The following ZNF790 variants were observed in gnomAD, a reference collection of about 807,000 sequenced individuals.
The protein encoded by ZNF790 is zinc finger protein 790.
ZNF790 carries 8 observed loss-of-function variants against 12.1 expected under a neutral mutation model. That is an observed-to-expected ratio of 0.66 (90% CI 0.39 to 1.19). The LOEUF is 1.19. Among genes scored for constraint, ZNF790 ranks in the 50% most tolerant of loss-of-function variants. The pLI is 0.01. For synonymous variants in ZNF790, 252 were observed against 244.3 expected (o/e 1.03, Z -0.29); for missense variants, 707 against 752.2 (o/e 0.94, Z 0.70).
At chr19:36,844,588 C>A (rs1363957484) in intron 1 of ZNF790, among the ~76,000 whole-genome samples, 2 of 151,786 alleles carry the variant, frequency 1.3e-5, no homozygotes, top group African/African-American at 4.8e-5. Context: ...TTCCCAAAAC[C>A]GATTAAACAC....
At chr19:36,843,009 A>C (rs1052491201), upstream of ZNF790, among the ~76,000 whole-genome samples, 4 of 151,958 alleles carry the variant, frequency 2.6e-5, no homozygotes, top group African/African-American at 9.7e-5. Flanking sequence ...TCTCAAAAAA[A>C]AAAAAAAAAA....
At position 36,825,616 on chromosome 19, in the gene ZNF790, C is replaced by T. The variant is rs747213342; in HGVS notation, c.4G>A (p.Ala2Thr). The T allele has an allele frequency of 6.2e-7, 1 of 1,613,994 alleles. No homozygotes were observed. The highest frequency in any genetic ancestry group is 8.5e-7 in the Non-Finnish European group (1 of 1,179,950). The change falls in exon 2 of 5, where the codon GCC (alanine) becomes ACC (threonine). Residue 2 changes from alanine (A) to threonine (T), a missense_variant. Transcript: ENST00000356725. Reference sequence around the variant, plus strand: ...GAGAGGCAATTCCAACTCACATGGGCCATGACTTAACATTCCAAGTCCACC... The same window carrying T: ...GAGAGGCAATTCCAACTCACATGGGTCATGACTTAACATTCCAAGTCCACC... M[A>T]HLMMFRDVAV...
Position 36,819,533 on chromosome 19 carries a change from C to T in ZNF790, c.811G>A (p.Val271Ile). The change falls in exon 5 of 5, where the codon GTC becomes ATC. Residue 271 changes from valine to isoleucine, a missense_variant. Val to Ile is a conservative substitution (Grantham distance 29). Transcript: ENST00000356725. ...KAFRFHSQLS[V>I]HKRIHTGEKS... is the part of the protein sequence containing the mutation. Reference sequence around the variant, plus strand: ...TCACCAGTATGAATTCGCTTATGGACACTAAGTTGTGAATGAAATCTAAAG... The same window carrying T: ...TCACCAGTATGAATTCGCTTATGGATACTAAGTTGTGAATGAAATCTAAAG... The T allele has an allele frequency of 6.2e-7, 1 of 1,612,982 alleles. No homozygotes were observed. Among genetic ancestry groups the T allele is most frequent in the East Asian group, 2.2e-5 (1 of 44,846 alleles).
intron 1 of ZNF790, among the ~76,000 whole-genome samples, chr19:36,826,396 G>A (rs573655329): frequency 6.6e-6 from 1 of 151,856 alleles, no homozygotes; most frequent in East Asian, 1.9e-4. Flanking sequence ...CATCTTGGCC[G>A]ACATGGTGAA....
At chr19:36,832,052 A>C (rs2071954595) in intron 1 of ZNF790, among the ~76,000 whole-genome samples, 1 of 152,204 alleles carries the variant, frequency 6.6e-6, no homozygotes, top group Non-Finnish European at 1.5e-5. Flanking sequence ...AGGGAGTCAA[A>C]ACATTTTTAT....
At chr19:36,849,446 T>C (rs1297791190) in intron 1 of ZNF790, among the ~76,000 whole-genome samples, 1 of 152,078 alleles carries the variant, frequency 6.6e-6, no homozygotes, top group Non-Finnish European at 1.5e-5. Context: ...TTAACAAGAG[T>C]ATAGTGAAAA....
chr19:36,818,351 TG>T lies in ZNF790; in HGVS notation c.*81del. On this transcript the variant is annotated 3_prime_UTR_variant, in exon 5 of 5. Transcript: ENST00000356725. ...TGCCTTCCAATATTACTTACATTTG[TG>T]GTGTTCCTCAAGAGAAAAAAATAAA... The T allele has an allele frequency of 7.4e-7, 1 of 1,344,112 alleles. No homozygotes were observed. Among genetic ancestry groups the T allele is most frequent in the Non-Finnish European group, 1.0e-6 (1 of 1,004,410 alleles). The allele number at this position is 1,344,112 out of a possible 1,614,324, so 83.3% of individuals were successfully genotyped here.
chr19:36,821,062 C>G (rs1216193555), intron 4 of ZNF790, among the ~76,000 whole-genome samples: 1 of 138,070 alleles, frequency 7.2e-6, no homozygotes, highest in Non-Finnish European at 1.5e-5. Context: ...CCCCACTGAC[C>G]CTGTCTTAAC....
At chr19:36,839,482 C>A (rs1307010286), upstream of ZNF790, among the ~76,000 whole-genome samples, 1 of 152,070 alleles carries the variant, frequency 6.6e-6, no homozygotes, top group Non-Finnish European at 1.5e-5. Context: ...CTCTCTGCAA[C>A]CTCTGCCTCC....
chr19:36,830,274 TATCTC>T (rs1349263198), intron 1 of ZNF790, among the ~76,000 whole-genome samples: 8 of 152,136 alleles, frequency 5.3e-5, no homozygotes, highest in South Asian at 4.1e-4. Context: ...TCAAATGCCT[TATCTC>T]TATCTATTGA....
At chr19:36,825,971 A>G (rs1236308260) in intron 1 of ZNF790, among the ~76,000 whole-genome samples, 3 of 152,182 alleles carry the variant, frequency 2.0e-5, no homozygotes, top group African/African-American at 4.8e-5. Flanking sequence ...CCGCCTATGA[A>G]TGTCAGTTAA....
chr19:36,829,186 A>G (rs566034286), intron 1 of ZNF790, among the ~76,000 whole-genome samples: 5 of 152,326 alleles, frequency 3.3e-5, no homozygotes, highest in African/African-American at 1.2e-4. Flanking sequence ...AATGGTTCTT[A>G]GTATATTCAC....
chr19:36,850,764 G>C (rs1359144238), upstream of ZNF790: 2 of 152,240 alleles, frequency 1.3e-5, no homozygotes, highest in African/African-American at 4.8e-5. Context: ...CTGGGCTGTA[G>C]CTTTCGGCAA....
chr19:36,842,714 A>C (rs1322050734), upstream of ZNF790, among the ~76,000 whole-genome samples: 1 of 151,748 alleles, frequency 6.6e-6, no homozygotes, highest in Non-Finnish European at 1.5e-5. Context: ...TGTATGAAAA[A>C]GACATGAGGG....
chr19:36,834,208 A>G (rs1195873768), intron 1 of ZNF790, among the ~76,000 whole-genome samples: 1 of 145,934 alleles, frequency 6.9e-6, no homozygotes, highest in Non-Finnish European at 1.5e-5. Flanking sequence ...GCACCATTGC[A>G]TTCCAGCCTG....
At position 36,819,147 on chromosome 19, in the gene ZNF790, A is replaced by C; in HGVS notation, c.1197T>G (p.Cys399Trp). Residue 399 changes from cysteine to tryptophan, a missense_variant, in exon 5 of 5, where the codon TGT becomes TGG. Transcript: ENST00000356725. ...GTGAGCTCCAAATATAGGCTTTCCC[A>C]CATTTCTCACATTTATAAGGTTTCC... Reference protein sequence around the residue: ...VGRKPYKCEKCGKAYIWSSHL... With the variant: ...VGRKPYKCEKWGKAYIWSSHL... The C allele has an allele frequency of 6.2e-7, 1 of 1,613,618 alleles. No individual in the cohort carries two copies. The highest frequency in any genetic ancestry group is 1.1e-5 in the South Asian group (1 of 91,046).
upstream of ZNF790, among the ~76,000 whole-genome samples, chr19:36,840,477 G>T (rs1397797477): frequency 6.6e-6 from 1 of 152,190 alleles, no homozygotes; most frequent in Non-Finnish European, 1.5e-5. Context: ...TTACCAATCA[G>T]GGCAGTTTAT....
Position 36,823,319 on chromosome 19 carries a change from C to G in ZNF790, c.195G>C (p.Lys65Asn). 2 of 1,614,120 alleles carry G rather than the reference C, an allele frequency of 1.2e-6. No individual in the cohort carries two copies. Among genetic ancestry groups the G allele is most frequent in the Non-Finnish European group, 1.7e-6 (2 of 1,180,030 alleles). The change falls in exon 4 of 5, where the codon AAG becomes AAC. Residue 65 changes from lysine (K) to asparagine (N), a missense_variant. Lys to Asn is a moderately conservative substitution (Grantham distance 94). Transcript: ENST00000356725. ...SLLEKGKEPW[K>N]ILRDETRGPC... Reference sequence around the variant, plus strand: ...GTCCTCTTGTCTCATCCCTCAAAATCTTCCAGGGCTCTTTCCCTTTCTCCA... The same window carrying G: ...GTCCTCTTGTCTCATCCCTCAAAATGTTCCAGGGCTCTTTCCCTTTCTCCA...
chr19:36,845,047 C>CAA (rs10611049), intron 1 of ZNF790, among the ~76,000 whole-genome samples: 664 of 34,808 alleles, frequency 0.019, 111 homozygotes, highest in East Asian at 0.051. Flanking sequence ...GACTCCGTCT[C>CAA]AAAAAAAAAA....
Sources: allele counts gnomAD v4.1 joint callset (sites outside exome capture counted in the v4.1 genomes callset), GRCh38; gene constraint gnomAD v4.1.1; transcripts MANE v1.5; gene names NCBI Gene and HGNC (gene_info 2026-07-23, HGNC 2026-07-21).